MTA3: variants seen among roughly 807,000 people sequenced by gnomAD.
MTA3 encodes the protein metastasis associated 1 family member 3, also known as metastasis-associated protein MTA3.
Under a neutral mutation model 83.5 loss-of-function variants are expected in MTA3, and 34 were observed. The ratio of observed to expected loss-of-function variants is 0.41; its 90% CI spans 0.31 to 0.54. The LOEUF is 0.54. Ranked by LOEUF, MTA3 falls within the 20% of genes least tolerant of loss-of-function variation. MTA3 has a pLI of 0.33. For synonymous variants in MTA3, 303 were observed against 252.7 expected (o/e 1.20, Z -1.89); for missense variants, 761 against 726.4 (o/e 1.05, Z -0.55).
At chr2:42,494,865 G>C (rs1368559759) in exon 1 of MTA3, 1 of 152,306 alleles carries the variant, frequency 6.6e-6, no homozygotes, top group Admixed American at 6.5e-5. Flanking sequence ...CCCCGTGAAG[G>C]CTCCGCAGAG....
At chr2:42,748,195 A>G (rs571837814) in intron 16 of MTA3, among the ~76,000 whole-genome samples, 1,746 of 57,590 alleles carry the variant, frequency 0.03, 17 homozygotes, top group Non-Finnish European at 0.042. Flanking sequence ...CATCCAGCTA[A>G]TGTGTTTGTG....
At chr2:42,661,666 G>A (rs1218825792) in intron 8 of MTA3, among the ~76,000 whole-genome samples, 2 of 151,952 alleles carry the variant, frequency 1.3e-5, no homozygotes, top group East Asian at 3.8e-4. Flanking sequence ...TAGTACAGCA[G>A]CAGCCAAAAA....
chr2:42,651,501 C>T (rs1688711916), intron 6 of MTA3, among the ~76,000 whole-genome samples: 1 of 151,980 alleles, frequency 6.6e-6, no homozygotes, highest in African/African-American at 2.4e-5. Context: ...AAAGAATAGG[C>T]AATTGGTGCT....
chr2:42,677,533 G>A lies in MTA3; in HGVS notation c.703-4868G>A, dbSNP rs191971170. ...GATTTTTTGTATTTTAGTAGAGATG[G>A]GTTTTCGCCGTGTTGTCCAGGGGTG... On this transcript the variant is annotated intron_variant, in intron 8 of 16. Transcript: ENST00000405094. 2.6e-3 allele frequency among the ~76,000 whole-genome samples: 393 copies of A among 152,008 alleles called. 3 individuals carry two copies. The highest frequency in any genetic ancestry group is 9.0e-3 in the African/African-American group (373 of 41,444).
At chr2:42,518,731 C>G (rs1388344945) in intron 2 of MTA3, among the ~76,000 whole-genome samples, 1 of 151,978 alleles carries the variant, frequency 6.6e-6, no homozygotes, top group Non-Finnish European at 1.5e-5. Flanking sequence ...AATCCCAACA[C>G]TTTGGGAGGC....
chr2:42,650,367 A>G (rs932053475), intron 6 of MTA3, among the ~76,000 whole-genome samples: 15 of 152,178 alleles, frequency 9.9e-5, no homozygotes, highest in African/African-American at 3.1e-4. Context: ...TACTATGTAC[A>G]TTTTCAAATA....
intron 6 of MTA3, among the ~76,000 whole-genome samples, chr2:42,650,391 G>A (rs1688597931): frequency 6.6e-6 from 1 of 151,944 alleles, no homozygotes; most frequent in African/African-American, 2.4e-5. Flanking sequence ...ATGATTATAT[G>A]GTCTGGTCTA....
intron 2 of MTA3, among the ~76,000 whole-genome samples, chr2:42,523,805 C>G (rs1334845373): frequency 1.3e-5 from 2 of 152,036 alleles, no homozygotes; most frequent in Non-Finnish European, 2.9e-5. Context: ...GTAGCCCCAG[C>G]TACTTGGGAT....
At chr2:42,610,498 C>T (rs1443948333) in intron 4 of MTA3, among the ~76,000 whole-genome samples, 1 of 152,124 alleles carries the variant, frequency 6.6e-6, no homozygotes, top group Non-Finnish European at 1.5e-5. Flanking sequence ...AATTCTTTTT[C>T]TACTGCAGAA....
chr2:42,637,438 G>T (rs1687305613), intron 4 of MTA3, among the ~76,000 whole-genome samples: 2 of 152,110 alleles, frequency 1.3e-5, no homozygotes, highest in African/African-American at 4.8e-5. Flanking sequence ...GTTCCTTTAG[G>T]TTGGGGTTAG....
intron 8 of MTA3, among the ~76,000 whole-genome samples, chr2:42,671,883 C>G (rs1043784324): frequency 5.3e-5 from 8 of 152,164 alleles, no homozygotes; most frequent in African/African-American, 1.9e-4. Flanking sequence ...TGATGCTTGT[C>G]ACATCAGACT....
At chr2:42,553,528 G>C (rs1177033947) in intron 2 of MTA3, among the ~76,000 whole-genome samples, 1 of 151,600 alleles carries the variant, frequency 6.6e-6, no homozygotes, top group Non-Finnish European at 1.5e-5. Context: ...CTGAGGTCAG[G>C]AGTTCGAAAC....
rs74427850 is a variant in MTA3 at position 42,752,744 on chromosome 2, C to T, written c.1760-630C>T. On this transcript the variant is annotated intron_variant, in intron 16 of 16. Coordinates refer to ENST00000405094, the MANE Select transcript of MTA3 (RefSeq NM_001330442.2). ...ACTGTGTTCCCTATTCCTTAGTATC[C>T]GTCAGAAAAGTTCCATGAGTCTCTT... 4.0e-3 allele frequency among the ~76,000 whole-genome samples: 603 copies of T among 152,178 alleles called. 8 individuals carry two copies. The highest frequency in any genetic ancestry group is 0.014 in the African/African-American group (570 of 41,508).
chr2:42,562,664 C>T (rs2103803388), intron 2 of MTA3, among the ~76,000 whole-genome samples: 1 of 152,288 alleles, frequency 6.6e-6, no homozygotes, highest in African/African-American at 2.4e-5. Flanking sequence ...AACCTGTTTC[C>T]ACCCAACCTG....
intron 3 of MTA3, among the ~76,000 whole-genome samples, chr2:42,604,959 A>C (rs1409083812): frequency 6.7e-6 from 1 of 149,814 alleles, no homozygotes; most frequent in Non-Finnish European, 1.5e-5. Context: ...GTAGAACAAA[A>C]TGAAAAGTCT....
intron 1 of MTA3, among the ~76,000 whole-genome samples, chr2:42,569,039 G>T (rs1266898031): frequency 6.6e-6 from 1 of 152,086 alleles, no homozygotes; most frequent in African/African-American, 2.4e-5. Context: ...TTGGGGGTAC[G>T]AATTACCAGA....
chr2:42,723,015 G>A lies in MTA3; in HGVS notation c.1739G>A (p.Ser580Asn), dbSNP rs977726569. The change falls in exon 16 of 17, where the codon AGT becomes AAT. Residue 580 changes from serine to asparagine, a missense_variant. Coordinates refer to ENST00000405094, the MANE Select transcript of MTA3 (RefSeq NM_001330442.2). Reference protein sequence around the residue: ...SLSILGKRNYSHHNGLDELTC... With the variant: ...SLSILGKRNYNHHNGLDELTC... ...AGCATTCTGGGGAAAAGAAACTACA[G>A]TCATCACAATGGTCTGGATGGTATG... 6.4e-6 allele frequency: 10 copies of A among 1,550,724 alleles called. No homozygotes were observed. The African/African-American group carries it at 1.4e-4, about 21-fold the overall frequency.
chr2:42,660,423 A>G (rs904266467), intron 8 of MTA3, among the ~76,000 whole-genome samples: 7 of 152,204 alleles, frequency 4.6e-5, no homozygotes, highest in Admixed American at 4.6e-4. Flanking sequence ...ATTACATTAT[A>G]GTTGATATCT....
intron 2 of MTA3, among the ~76,000 whole-genome samples, chr2:42,549,622 TATATAC>T (rs1194567070): frequency 1.6e-3 from 189 of 119,778 alleles, no homozygotes; most frequent in Admixed American, 3.5e-3. Flanking sequence ...TATAATATAT[TATATAC>T]ATATACATAT....
Sources: allele counts gnomAD v4.1 joint callset (sites outside exome capture counted in the v4.1 genomes callset), GRCh38; gene constraint gnomAD v4.1.1; transcripts MANE v1.5; gene names NCBI Gene and HGNC (gene_info 2026-07-23, HGNC 2026-07-21).